NYAP2: variants seen among roughly 807,000 people sequenced by gnomAD.
NYAP2 encodes the protein neuronal tyrosine-phosphorylated phosphoinositide-3-kinase adaptor 2.
In NYAP2, 23 loss-of-function variants were observed where a neutral mutation model predicts 50.4. That is an observed-to-expected ratio of 0.46 (90% confidence interval 0.33 to 0.65). NYAP2 has a LOEUF of 0.65. Ranked by LOEUF, NYAP2 falls within the 30% of genes least tolerant of loss-of-function variation. The probability of loss-of-function intolerance (pLI) is 0.02; values close to 1 mark genes in which losing one functional copy is unlikely to be tolerated. For missense variants in NYAP2, 885 were observed against 861.0 expected, an observed-to-expected ratio of 1.03 and a Z score of -0.35; for synonymous variants, 394 against 365.2, an observed-to-expected ratio of 1.08 and a Z score of -0.90.
chr2:225,441,019 A>G (rs1050088991), intron 3 of NYAP2, among the ~76,000 whole-genome samples: 4 of 152,196 alleles, frequency 2.6e-5, no homozygotes, highest in East Asian at 3.8e-4. Flanking sequence ...GCACTGATCT[A>G]CATTACCATC....
intron 3 of NYAP2, among the ~76,000 whole-genome samples, chr2:225,488,105 A>T (rs932216175): frequency 3.3e-5 from 5 of 152,132 alleles, no homozygotes; most frequent in African/African-American, 4.8e-5. Context: ...GGCTAAATCA[A>T]AATTTATGTA....
intron 3 of NYAP2, among the ~76,000 whole-genome samples, chr2:225,444,043 T>C (rs1046093046): frequency 6.6e-6 from 1 of 152,188 alleles, no homozygotes; most frequent in African/African-American, 2.4e-5. Flanking sequence ...TTCCATATGG[T>C]GTGAGTTAAA....
chr2:225,514,762 A>G (rs1024983877), intron 4 of NYAP2, among the ~76,000 whole-genome samples: 1 of 152,172 alleles, frequency 6.6e-6, no homozygotes, highest in Admixed American at 6.5e-5. Context: ...CAATGCTGCC[A>G]GTGACCAGTT....
chr2:225,443,134 C>T (rs1689496700), intron 3 of NYAP2, among the ~76,000 whole-genome samples: 1 of 152,140 alleles, frequency 6.6e-6, no homozygotes, highest in Admixed American at 6.5e-5. Flanking sequence ...ATAATGGGAG[C>T]TACAATTCAA....
intron 3 of NYAP2, among the ~76,000 whole-genome samples, chr2:225,488,790 G>A (rs1003924443): frequency 3.9e-5 from 6 of 152,150 alleles, no homozygotes; most frequent in African/African-American, 7.2e-5. Context: ...ACTCTTTTGG[G>A]ACAGACTTTA....
intron 3 of NYAP2, among the ~76,000 whole-genome samples, chr2:225,486,796 G>A (rs571212856): frequency 6.6e-6 from 1 of 152,100 alleles, no homozygotes; most frequent in Non-Finnish European, 1.5e-5. Flanking sequence ...ACCTCCCTGG[G>A]CCCTCCCCTT....
chr2:225,426,139 C>CT (rs56247453), intron 3 of NYAP2, among the ~76,000 whole-genome samples: 175 of 148,940 alleles, frequency 1.2e-3, no homozygotes, highest in East Asian at 0.011. Context: ...TTTCTCTTTT[C>CT]TTTTTTTTTT....
chr2:225,611,838 T>G (rs569638008), intron 5 of NYAP2, among the ~76,000 whole-genome samples: 1 of 150,958 alleles, frequency 6.6e-6, no homozygotes, highest in African/African-American at 2.4e-5. Context: ...TACCATTGGT[T>G]GAACATAATA....
chr2:225,489,012 C>T (rs10211576), intron 3 of NYAP2, among the ~76,000 whole-genome samples: 34,816 of 152,036 alleles, frequency 0.23, 5,664 homozygotes, highest in African/African-American at 0.46. Flanking sequence ...AGAAGAACTG[C>T]TCTAACTTCA....
chr2:225,542,599 T>G (rs148522584), intron 4 of NYAP2, among the ~76,000 whole-genome samples: 2 of 152,326 alleles, frequency 1.3e-5, no homozygotes, highest in Non-Finnish European at 2.9e-5. Flanking sequence ...TTGAGCCATC[T>G]TTGCCTCAAT....
chr2:225,600,561 A>G (rs923780678), intron 5 of NYAP2, among the ~76,000 whole-genome samples: 1 of 152,194 alleles, frequency 6.6e-6, no homozygotes, highest in Non-Finnish European at 1.5e-5. Flanking sequence ...AGGAATGAAT[A>G]AGGACAGCTT....
chr2:225,656,557 C>T (rs1693830091), downstream of NYAP2, among the ~76,000 whole-genome samples: 2 of 152,132 alleles, frequency 1.3e-5, no homozygotes, highest in African/African-American at 4.8e-5. Context: ...ACAGCTATGT[C>T]ATTATGTCAG....
intron 4 of NYAP2, among the ~76,000 whole-genome samples, chr2:225,571,338 CCCA>C (rs1692069278): frequency 6.6e-6 from 1 of 152,354 alleles, no homozygotes; most frequent in Non-Finnish European, 1.5e-5. Flanking sequence ...GGGCTCCCAC[CCCA>C]CATTTCCCTT....
At chr2:225,540,777 A>T (rs1691452402) in intron 4 of NYAP2, among the ~76,000 whole-genome samples, 1 of 152,088 alleles carries the variant, frequency 6.6e-6, no homozygotes, top group Admixed American at 6.6e-5. Flanking sequence ...TGACATACTG[A>T]TTTCTATTCT....
chr2:225,462,693 C>A (rs546467408), intron 3 of NYAP2, among the ~76,000 whole-genome samples: 34 of 152,228 alleles, frequency 2.2e-4, no homozygotes, highest in Middle Eastern at 3.4e-3. Flanking sequence ...AATCAGAGCA[C>A]AATCAGAATG....
the NYAP2 span, among the ~76,000 whole-genome samples, chr2:225,697,789 A>T: frequency 1.3e-5 from 2 of 151,990 alleles, no homozygotes; most frequent in Non-Finnish European, 2.9e-5. Context: ...ATTGTTAAAT[A>T]TCGCGATGTT....
intron 3 of NYAP2, among the ~76,000 whole-genome samples, chr2:225,512,818 T>TC (rs1491343818): frequency 2.7e-4 from 10 of 37,722 alleles, no homozygotes; most frequent in Admixed American, 1.9e-3. Flanking sequence ...CTTTTCTTTC[T>TC]TTCTCTCTCT....
intron 3 of NYAP2, among the ~76,000 whole-genome samples, chr2:225,435,466 G>A (rs913220835): frequency 2.0e-5 from 3 of 152,122 alleles, no homozygotes; most frequent in African/African-American, 7.2e-5. Context: ...TCAAAGTGGA[G>A]GTTAAATTGG....
At chr2:225,600,257 C>G (rs1447241125) in intron 5 of NYAP2, among the ~76,000 whole-genome samples, 1 of 151,984 alleles carries the variant, frequency 6.6e-6, no homozygotes, top group Non-Finnish European at 1.5e-5. Context: ...TCAAATGAGC[C>G]AGTTTATTGA....
Sources: gnomAD v4.1 joint callset for allele counts (sites outside exome capture counted in the v4.1 genomes callset) on GRCh38, gnomAD v4.1.1 for gene constraint, MANE v1.5 for transcripts, NCBI Gene and HGNC (gene_info 2026-07-23, HGNC 2026-07-21) for gene names.